Variants in RARS2 observed in about 807,000 individuals in gnomAD.
RARS2 encodes arginyl-tRNA synthetase 2, mitochondrial.
A neutral mutation model predicts 88.5 loss-of-function variants in RARS2; 67 were observed. The ratio of observed to expected loss-of-function variants is 0.76; its 90% CI spans 0.62 to 0.93. The LOEUF is 0.93. Among genes scored for constraint, RARS2 ranks in the 40% least tolerant of loss-of-function variants. RARS2 has a pLI of 0.00. For synonymous variants in RARS2, 239 were observed against 230.3 expected, an observed-to-expected ratio of 1.04 and a Z score of -0.34; for missense variants, 664 against 684.2, an observed-to-expected ratio of 0.97 and a Z score of 0.33.
Position 87,524,467 on chromosome 6 carries a change from A to G in RARS2, c.974+90T>C, listed in dbSNP as rs2273131. 47,482 of 1,015,904 alleles carry G rather than the reference A, an allele frequency of 0.047. 1,397 individuals are homozygous for G. The highest frequency in any genetic ancestry group is 0.12 in the African/African-American group (7,449 of 63,556). The allele number at this position is 1,015,904 out of a possible 1,614,324, so 62.9% of individuals were successfully genotyped here. ...ATAGAATAATGTCATCAGCTGTGGAATCCGATAATGCATAATTAATTGTAC... is the reference window on the plus strand; with the variant it reads ...ATAGAATAATGTCATCAGCTGTGGAGTCCGATAATGCATAATTAATTGTAC... On this transcript the variant is annotated intron_variant, in intron 11 of 19. Transcript: ENST00000369536.
intron 1 of RARS2, among the ~76,000 whole-genome samples, chr6:87,578,553 C>T (rs915005078): frequency 6.6e-6 from 1 of 152,152 alleles, no homozygotes; most frequent in Non-Finnish European, 1.5e-5. Context: ...AGCAGTATGG[C>T]TCAGACACGT....
intron 19 of RARS2, among the ~76,000 whole-genome samples, 182 bp downstream of exon 19, chr6:87,514,775 T>C (rs2127986949): frequency 6.6e-6 from 1 of 152,346 alleles, no homozygotes; most frequent in South Asian, 2.1e-4. Context: ...GAAAATGTGC[T>C]TTATAGTCTA....
At chr6:87,565,697 A>T (rs928000626) in intron 2 of RARS2, among the ~76,000 whole-genome samples, 12 of 152,312 alleles carry the variant, frequency 7.9e-5, no homozygotes, top group African/African-American at 2.9e-4. Context: ...TGCAAAAAAA[A>T]TTTTTTTAAT....
intron 10 of RARS2, among the ~76,000 whole-genome samples, chr6:87,526,425 G>A (rs896570412): frequency 2.0e-5 from 3 of 151,914 alleles, no homozygotes; most frequent in Non-Finnish European, 4.4e-5. Context: ...GCTAAGGCAG[G>A]AGAATAGGTT....
chr6:87,519,180 A>ATG lies in RARS2; in HGVS notation c.1238-290_1238-289insCA, dbSNP rs760974531. 3.0e-5 allele frequency: 6 copies of ATG among 201,016 alleles called. No homozygotes were observed. The East Asian group carries it at 5.8e-4, about 19-fold the overall frequency. 12.5% of individuals were successfully genotyped at this position (201,016 alleles called of 1,614,324 possible). On this transcript the variant is annotated intron_variant, in intron 14 of 19. Coordinates refer to ENST00000369536, the MANE Select transcript of RARS2 (RefSeq NM_020320.5). ...TGTATGTGTGTATATATATATAAATATATATGTGTGTGTGTGTGTGTGTGT... is the reference window on the plus strand; with the variant it reads ...TGTATGTGTGTATATATATATAAATATGTATATGTGTGTGTGTGTGTGTGTGT...
At chr6:87,585,741 A>C (rs1453191466) in intron 1 of RARS2, among the ~76,000 whole-genome samples, 1 of 151,982 alleles carries the variant, frequency 6.6e-6, no homozygotes, top group Non-Finnish European at 1.5e-5. Context: ...CAAAATAAAT[A>C]AATAAATAAA....
intron 8 of RARS2, among the ~76,000 whole-genome samples, chr6:87,531,351 T>C (rs1777466618): frequency 6.6e-6 from 1 of 152,222 alleles, no homozygotes; most frequent in Non-Finnish European, 1.5e-5. Context: ...GCATTTCTTC[T>C]GTTATTTTTC....
chr6:87,514,600 G>A (rs948457611), intron 19 of RARS2, 101 bp from the exon 20 acceptor site: 2 of 1,055,200 alleles, frequency 1.9e-6, no homozygotes, highest in Admixed American at 3.9e-5. Context: ...TTTAAAGCAG[G>A]AACAATATGT....
Position 87,555,460 on chromosome 6 carries a change from T to G in RARS2, c.343A>C (p.Lys115Gln). 1 of 1,614,058 alleles carries G rather than the reference T, an allele frequency of 6.2e-7. No homozygotes were observed. The highest frequency in any genetic ancestry group is 8.5e-7 in the Non-Finnish European group (1 of 1,179,944). The change falls in exon 5 of 20, where the codon AAA (lysine) becomes CAA (glutamine). Residue 115 changes from lysine (K) to glutamine (Q), a missense_variant. Coordinates refer to ENST00000369536, the MANE Select transcript of RARS2 (RefSeq NM_020320.5). Reference sequence around the variant, plus strand: ...GGAAGTCCAGAGAAAAGTTCACTTTTTAATCCATATTTTGAGCCATCTTCA... The same window carrying G: ...GGAAGTCCAGAGAAAAGTTCACTTTGTAATCCATATTTTGAGCCATCTTCA... Reference protein sequence around the residue: ...VIEDGSKYGLKSELFSGLPQK... With the variant: ...VIEDGSKYGLQSELFSGLPQK...
intron 7 of RARS2, among the ~76,000 whole-genome samples, chr6:87,543,646 G>T (rs78763470): frequency 3.8e-5 from 5 of 132,876 alleles, no homozygotes; most frequent in Admixed American, 3.7e-4. Flanking sequence ...ATCTCAGAAA[G>T]AAAAAAAAAA....
chr6:87,557,752 A>T (rs1786445693), intron 4 of RARS2, among the ~76,000 whole-genome samples: 1 of 151,772 alleles, frequency 6.6e-6, no homozygotes, highest in Non-Finnish European at 1.5e-5. Context: ...TTCTCTCTCA[A>T]CTTTTGCTTC....
At chr6:87,560,449 T>C (rs192033984) in intron 4 of RARS2, among the ~76,000 whole-genome samples, 252 of 152,360 alleles carry the variant, frequency 1.7e-3, no homozygotes, top group Non-Finnish European at 2.8e-3. Context: ...CTCTTGAAAG[T>C]ACTGCAAGCT....
intron 4 of RARS2, among the ~76,000 whole-genome samples, chr6:87,559,696 G>A (rs990492057): frequency 6.6e-6 from 1 of 152,088 alleles, no homozygotes; most frequent in East Asian, 1.9e-4. Flanking sequence ...TTATTCTGAA[G>A]TTATGATACA....
chr6:87,542,630 G>T (rs1244674349), intron 7 of RARS2, among the ~76,000 whole-genome samples: 1 of 147,876 alleles, frequency 6.8e-6, no homozygotes, highest in Non-Finnish European at 1.5e-5. Flanking sequence ...AGAGTTCAGG[G>T]ATAGTGTTAA....
At chr6:87,561,440 T>C (rs1443718636) in intron 4 of RARS2, among the ~76,000 whole-genome samples, 4 of 152,168 alleles carry the variant, frequency 2.6e-5, no homozygotes, top group Admixed American at 1.3e-4. Context: ...AAAAATCCAC[T>C]TGTAACTGCT....
intron 1 of RARS2, among the ~76,000 whole-genome samples, chr6:87,573,164 C>T (rs117720302): frequency 2.8e-4 from 43 of 152,066 alleles, no homozygotes; most frequent in Non-Finnish European, 4.9e-4. Context: ...ACAGGAAGCA[C>T]GTATGGGGAG....
rs1582241768 is a variant in RARS2, at chr6:87,516,655, T to C, written c.1586+151A>G. ...GTATCACTGAATGAATGAAGGAACATTAACTGCTAATTTGTATAGATGAAG... is the reference window on the plus strand; with the variant it reads ...GTATCACTGAATGAATGAAGGAACACTAACTGCTAATTTGTATAGATGAAG... On this transcript the variant is annotated intron_variant, in intron 18 of 19. Transcript: ENST00000369536. The C allele has an allele frequency of 2.7e-6, 3 of 1,130,796 alleles. No individual in the cohort carries two copies. The East Asian group carries it at 8.6e-5, about 33-fold the overall frequency. 70.0% of individuals were successfully genotyped at this position (1,130,796 alleles called of 1,614,324 possible).
chr6:87,518,469 C>G, intron 16 of RARS2, 161 bp downstream of exon 16: 1 of 1,329,840 alleles, frequency 7.5e-7, no homozygotes, highest in South Asian at 1.4e-5. Flanking sequence ...CATAGGTGCT[C>G]AATAAATTTT....
intron 2 of RARS2, among the ~76,000 whole-genome samples, chr6:87,565,956 C>T (rs769829209): frequency 3.3e-5 from 5 of 152,106 alleles, no homozygotes; most frequent in Admixed American, 6.5e-5. Context: ...ATTTAAAAAC[C>T]CAGTCCACAA....
Sources: gnomAD v4.1 joint callset for allele counts (sites outside exome capture counted in the v4.1 genomes callset) on GRCh38, gnomAD v4.1.1 for gene constraint, MANE v1.5 for transcripts, NCBI Gene and HGNC (gene_info 2026-07-23, HGNC 2026-07-21) for gene names.